The following PRKN variants were observed in gnomAD, a reference collection of about 807,000 sequenced individuals.
PRKN encodes E3 ubiquitin-protein ligase parkin.
A neutral mutation model predicts 59.5 loss-of-function variants in PRKN; 56 were observed. The observed-to-expected ratio is 0.94, with a 90% CI of 0.76 to 1.18. The LOEUF (loss-of-function observed/expected upper bound fraction) is 1.18, where lower values mean the gene tolerates loss of function less well. PRKN is among the 50% of genes most tolerant of loss of function. The pLI, the probability that PRKN is intolerant of heterozygous loss-of-function variation, is 0.00. For synonymous variants in PRKN, 250 were observed against 222.1 expected, an observed-to-expected ratio of 1.13 and a Z score of -1.12; for missense variants, 657 against 596.4, an observed-to-expected ratio of 1.10 and a Z score of -1.06.
In PRKN at chr6:161,916,410, G is replaced by A. The variant is rs187399721; in HGVS notation, c.734+56892C>T. ...AGTAGGTGAATATCATAGGCCAAATGAAAAGCAAACAAGTAAGTAAAAATA... is the reference window on the plus strand; with the variant it reads ...AGTAGGTGAATATCATAGGCCAAATAAAAAGCAAACAAGTAAGTAAAAATA... On this transcript the variant is annotated intron_variant, in intron 6 of 11. Transcript: ENST00000366898. Among the ~76,000 whole-genome samples the A allele has an allele frequency of 7.6e-4, 116 of 152,276 alleles. 1 individual carries two copies. The highest frequency in any genetic ancestry group is 2.7e-3 in the African/African-American group (114 of 41,542).
intron 2 of PRKN, among the ~76,000 whole-genome samples, chr6:162,408,129 C>A (rs1404680300): frequency 1.3e-5 from 2 of 151,970 alleles, no homozygotes; most frequent in East Asian, 1.9e-4. Flanking sequence ...GTTTTGTCAT[C>A]CTGCTGATTC....
chr6:162,043,608 A>C (rs1287186769), intron 5 of PRKN, among the ~76,000 whole-genome samples: 1 of 152,242 alleles, frequency 6.6e-6, no homozygotes, highest in Non-Finnish European at 1.5e-5. Context: ...ACTGTCCAGC[A>C]TGTAGTTGCT....
intron 1 of PRKN, among the ~76,000 whole-genome samples, chr6:162,556,478 G>T (rs1779606894): frequency 1.3e-5 from 2 of 151,312 alleles, no homozygotes; most frequent in Non-Finnish European, 2.9e-5. Flanking sequence ...GCCGGGCGCA[G>T]TGGTTCACAC....
At chr6:161,826,479 C>T (rs904882942) in intron 6 of PRKN, among the ~76,000 whole-genome samples, 1 of 152,028 alleles carries the variant, frequency 6.6e-6, no homozygotes, top group Non-Finnish European at 1.5e-5. Flanking sequence ...TGCAGAAAAC[C>T]CATTAATGTA....
intron 6 of PRKN, among the ~76,000 whole-genome samples, chr6:161,848,634 C>G (rs1793299447): frequency 6.6e-6 from 1 of 152,146 alleles, no homozygotes; most frequent in Admixed American, 6.5e-5. Flanking sequence ...AGTAGCACCT[C>G]CCTGGGGAAT....
Position 161,554,940 on chromosome 6 carries a change from G to A in PRKN, c.934-5937C>T, listed in dbSNP as rs1164448692. 2.6e-5 allele frequency among the ~76,000 whole-genome samples: 4 copies of A among 151,914 alleles called. No individual in the cohort carries two copies. The highest frequency in any genetic ancestry group is 5.9e-5 in the Non-Finnish European group (4 of 67,976). ...CATTTCTTTAGAATCCAGGAATTTT[G>A]TTAGAGTATATCTTGGTGCTGGTCA... On this transcript the variant is annotated intron_variant, in intron 8 of 11. Transcript: ENST00000366898. The surrounding 1 kb of genome is among the most constrained non-coding windows in gnomAD (Gnocchi z 4.5).
chr6:161,871,124 T>C (rs926850851), intron 6 of PRKN, among the ~76,000 whole-genome samples: 9 of 152,090 alleles, frequency 5.9e-5, no homozygotes, highest in African/African-American at 2.2e-4. Flanking sequence ...TTTGTAGCAA[T>C]TTAAACGTAT....
intron 4 of PRKN, among the ~76,000 whole-genome samples, chr6:162,076,467 TG>T (rs541964242): frequency 4.6e-5 from 7 of 152,158 alleles, no homozygotes; most frequent in Non-Finnish European, 7.3e-5. Flanking sequence ...GATATTCCGA[TG>T]CCTCTTTCTT....
At chr6:161,858,242 A>T (rs1418188180) in intron 6 of PRKN, among the ~76,000 whole-genome samples, 2 of 152,206 alleles carry the variant, frequency 1.3e-5, no homozygotes, top group Admixed American at 1.3e-4. Context: ...CTATTCAGAT[A>T]CTATTATCAC....
Position 161,500,978 on chromosome 6 carries a change from C to T in PRKN, c.1083+47876G>A, listed in dbSNP as rs531496435. ...GCAACCTCCGCCTCCTGGGTTCAAG[C>T]GATTCTCCTGCCTCAGACTCCCAAG... On this transcript the variant is annotated intron_variant, in intron 9 of 11. Transcript: ENST00000366898. Among the ~76,000 whole-genome samples the T allele has an allele frequency of 1.8e-4, 27 of 149,420 alleles. No homozygotes were observed. The East Asian group carries it at 3.0e-3, about 16-fold the overall frequency.
intron 7 of PRKN, among the ~76,000 whole-genome samples, chr6:161,636,983 G>A (rs768151341): frequency 1.2e-4 from 19 of 152,258 alleles, no homozygotes; most frequent in Non-Finnish European, 1.3e-4. Context: ...AAAGTGCCAC[G>A]CCATCACATA....
chr6:162,599,443 A>C (rs796555802), intron 1 of PRKN, among the ~76,000 whole-genome samples: 2 of 152,210 alleles, frequency 1.3e-5, no homozygotes, highest in South Asian at 4.1e-4. Flanking sequence ...TCCAGATAAC[A>C]GAATGGGGTT....
Position 161,619,762 on chromosome 6 carries a change from T to C in PRKN, c.872-50346A>G, listed in dbSNP as rs141176381. 1.1e-3 allele frequency among the ~76,000 whole-genome samples: 172 copies of C among 152,262 alleles called. 2 individuals are homozygous for C. The highest frequency in any genetic ancestry group is 9.1e-3 in the East Asian group (47 of 5,180). On this transcript the variant is annotated intron_variant, in intron 7 of 11. Coordinates refer to ENST00000366898, the MANE Select transcript of PRKN (RefSeq NM_004562.3). ...ACAAGTGGTTATTTCAGTGCGTCTATGCTGAATGGAGAGAGGACTGTGAAA... is the reference window on the plus strand; with the variant it reads ...ACAAGTGGTTATTTCAGTGCGTCTACGCTGAATGGAGAGAGGACTGTGAAA...
intron 7 of PRKN, among the ~76,000 whole-genome samples, chr6:161,694,885 C>A (rs986751732): frequency 1.3e-5 from 2 of 152,114 alleles, no homozygotes; most frequent in Non-Finnish European, 2.9e-5. Context: ...TTAGAAGTCC[C>A]GAACTGTGGC....
At chr6:162,152,268 C>A (rs1398139925) in intron 4 of PRKN, among the ~76,000 whole-genome samples, 1 of 152,180 alleles carries the variant, frequency 6.6e-6, no homozygotes, top group African/African-American at 2.4e-5. Flanking sequence ...TAGTATTTCA[C>A]AATGTGTGTC....
At chr6:161,834,581 C>G (rs1301978599) in intron 6 of PRKN, among the ~76,000 whole-genome samples, 1 of 152,196 alleles carries the variant, frequency 6.6e-6, no homozygotes, top group Non-Finnish European at 1.5e-5. Context: ...ACCTGGGGAA[C>G]ACGCTCATTA....
chr6:162,435,549 G>A (rs192000210), intron 2 of PRKN, among the ~76,000 whole-genome samples: 1 of 152,186 alleles, frequency 6.6e-6, no homozygotes, highest in Non-Finnish European at 1.5e-5. Flanking sequence ...ATGAAATAAC[G>A]GTCTTCCCAA....
Position 162,124,392 on chromosome 6 carries a change from G to A in PRKN, c.535-70218C>T, listed in dbSNP as rs144379267. On this transcript the variant is annotated intron_variant, in intron 4 of 11. Coordinates refer to ENST00000366898, the MANE Select transcript of PRKN (RefSeq NM_004562.3). ...CCCTCGCTGGGAAAGGGACAGAGCAGGGTTTTAATCAGTGAGGTTGGGAGT... is the reference window on the plus strand; with the variant it reads ...CCCTCGCTGGGAAAGGGACAGAGCAAGGTTTTAATCAGTGAGGTTGGGAGT... Among the ~76,000 whole-genome samples, 284 of 152,316 alleles carry A rather than the reference G, an allele frequency of 1.9e-3. 4 individuals are homozygous for A. The highest frequency in any genetic ancestry group is 6.5e-3 in the African/African-American group (270 of 41,578).
At chr6:161,971,960 C>T (rs1272783417) in intron 6 of PRKN, among the ~76,000 whole-genome samples, 4 of 152,142 alleles carry the variant, frequency 2.6e-5, no homozygotes, top group Non-Finnish European at 4.4e-5. Context: ...TTCATTAATT[C>T]ATTTTGGCAT....
Sources: allele counts gnomAD v4.1 joint callset (sites outside exome capture counted in the v4.1 genomes callset), GRCh38; gene constraint gnomAD v4.1.1; non-coding constraint Gnocchi (gnomAD v3.1); transcripts MANE v1.5; gene names NCBI Gene and HGNC (gene_info 2026-07-23, HGNC 2026-07-21).